Variants in S100G observed in about 807,000 individuals in gnomAD.
S100G encodes the protein protein S100-G.
S100G carries 4 observed loss-of-function variants against 4.4 expected under a neutral mutation model. That is an observed-to-expected ratio of 0.91 (90% CI 0.45 to 2.09). The LOEUF (loss-of-function observed/expected upper bound fraction) is 2.09, where lower values mean the gene tolerates loss of function less well. Among genes scored for constraint, S100G ranks in the 30% most tolerant of loss-of-function variants. The probability of loss-of-function intolerance (pLI) is 0.03; values close to 1 mark genes in which losing one functional copy is unlikely to be tolerated. For missense variants in S100G, 48 were observed against 49.8 expected (o/e 0.96, Z 0.11); for synonymous variants, 24 against 20.1 (o/e 1.20, Z -0.53).
At chrX:16,651,420 G>C (rs1932625628) in intron 2 of S100G, among the ~76,000 whole-genome samples, 1 of 111,787 alleles carries the variant, frequency 8.9e-6, no homozygotes, top group Non-Finnish European at 1.9e-5. Context: ...AGACCCACAA[G>C]TCACCAAGCA....
At chrX:16,650,895 A>G in intron 1 of S100G, 104 bp from the exon 2 acceptor site, 2 of 640,107 alleles carry the variant, frequency 3.1e-6, no homozygotes, top group Non-Finnish European at 4.9e-6. Flanking sequence ...TTCCCCATTT[A>G]TGCCAAGGAA....
At chrX:16,652,847 G>A (rs1932710232) in intron 2 of S100G, among the ~76,000 whole-genome samples, 1 of 111,554 alleles carries the variant, frequency 9.0e-6, no homozygotes, top group Non-Finnish European at 1.9e-5. Flanking sequence ...CACCATGCAT[G>A]GTTTAGAATC....
rs756804558 is a variant in S100G, at chrX:16,654,638, A to C, written c.*129A>C. On this transcript the variant is annotated 3_prime_UTR_variant, in exon 3 of 3. Transcript: ENST00000380200. ...TTATAATAACCTGGCTGTGAGGTTC[A>C]GTTATTATTAATAAAGAAATTATTA... is the stretch of plus-strand genomic sequence containing the variant. 8.1e-6 allele frequency: 3 copies of C among 370,043 alleles called. No homozygotes were observed. In the East Asian group the frequency reaches 1.3e-4, roughly 16 times the overall value. The allele number at this position is 370,043 out of a possible 1,213,427, so 30.5% of individuals were successfully genotyped here.
At chrX:16,650,432 A>G (rs1932548703) in intron 1 of S100G, among the ~76,000 whole-genome samples, 1 of 110,777 alleles carries the variant, frequency 9.0e-6, no homozygotes, top group African/African-American at 3.3e-5. Flanking sequence ...TTAATTACTA[A>G]TAAAAATGTT....
chrX:16,651,183 TGGGAGGGGA>T, intron 2 of S100G, 42 bp downstream of exon 2: 6 of 262,053 alleles, frequency 2.3e-5, no homozygotes, highest in African/African-American at 3.8e-5. Context: ...GGACTGATGG[TGGGAGGGGA>T]GGGAGGGAGG....
At chrX:16,650,599 G>A (rs1225410335) in intron 1 of S100G, among the ~76,000 whole-genome samples, 2 of 91,271 alleles carry the variant, frequency 2.2e-5, no homozygotes, top group South Asian at 6.1e-4. Context: ...TGCAACCTCC[G>A]CCTCCCGGGT....
In S100G at chrX:16,650,970, G is replaced by C. The variant is rs900995588; in HGVS notation, c.-8-29G>C. On this transcript the variant is annotated intron_variant, in intron 1 of 2. Coordinates refer to ENST00000380200, the MANE Select transcript of S100G (RefSeq NM_004057.3). The stretch of plus-strand genomic sequence containing the variant: ...CACAAAACTGTACTTCAGCTTTTTG[G>C]TAAGTTTATTTTCTTCCCAATTTAT... 5 of 1,177,995 alleles carry C rather than the reference G, an allele frequency of 4.2e-6. No homozygotes were observed. The African/African-American group carries it at 7.1e-5, about 17-fold the overall frequency.
In S100G at chrX:16,650,994, A is replaced by T. The variant is rs768067846; in HGVS notation, c.-8-5A>T. 2 of 1,198,664 alleles carry T rather than the reference A, an allele frequency of 1.7e-6. No homozygotes were observed. Among genetic ancestry groups the T allele is most frequent in the East Asian group, 5.9e-5 (2 of 33,672 alleles). On this transcript the variant is annotated splice_region_variant and splice_polypyrimidine_tract_variant and intron_variant, in intron 1 of 2. Coordinates refer to ENST00000380200, the MANE Select transcript of S100G (RefSeq NM_004057.3). ...GGTAAGTTTATTTTCTTCCCAATTT[A>T]TAAGACACCAGAATGAGTACTAAAA... is the stretch of plus-strand genomic sequence containing the variant.
At chrX:16,653,951 T>G (rs1046502410) in intron 2 of S100G, among the ~76,000 whole-genome samples, 1 of 110,808 alleles carries the variant, frequency 9.0e-6, no homozygotes, top group Non-Finnish European at 1.9e-5. Flanking sequence ...GAAGGAGCCC[T>G]CCCTGCCTGC....
intron 2 of S100G, among the ~76,000 whole-genome samples, chrX:16,652,280 C>T (rs929658834): frequency 1.2e-4 from 13 of 112,061 alleles, no homozygotes; most frequent in African/African-American, 4.2e-4. Flanking sequence ...GACTCAGTCA[C>T]TATTTAGCTC....
intron 2 of S100G, among the ~76,000 whole-genome samples, chrX:16,654,057 C>T (rs1186792082): frequency 8.9e-6 from 1 of 111,885 alleles, no homozygotes. Context: ...GTTTGTGTGC[C>T]GTGGGCAATC....
At chrX:16,651,417 C>T (rs1932625092) in intron 2 of S100G, among the ~76,000 whole-genome samples, 1 of 111,880 alleles carries the variant, frequency 8.9e-6, no homozygotes, top group African/African-American at 3.3e-5. Flanking sequence ...GGAAGACCCA[C>T]AAGTCACCAA....
At chrX:16,651,307 C>G (rs1217879780) in intron 2 of S100G, among the ~76,000 whole-genome samples, 166 bp downstream of exon 2, 1 of 111,219 alleles carries the variant, frequency 9.0e-6, no homozygotes, top group Non-Finnish European at 1.9e-5. Context: ...AAGGCAAGCT[C>G]TCAGAAAACA....
intron 2 of S100G, among the ~76,000 whole-genome samples, chrX:16,651,804 A>G (rs766740918): frequency 8.9e-6 from 1 of 111,985 alleles, no homozygotes; most frequent in Admixed American, 9.5e-5. Flanking sequence ...TACAGAGAAG[A>G]GCTGATCGTC....
At chrX:16,652,019 G>A (rs186486096) in intron 2 of S100G, among the ~76,000 whole-genome samples, 1 of 106,916 alleles carries the variant, frequency 9.4e-6, no homozygotes, top group East Asian at 2.9e-4. Context: ...AGAGCAGGAT[G>A]GGGGGGGCCA....
intron 1 of S100G, among the ~76,000 whole-genome samples, chrX:16,650,478 A>G (rs928046053): frequency 7.3e-5 from 8 of 109,299 alleles, no homozygotes; most frequent in African/African-American, 2.7e-4. Flanking sequence ...GATGTACTCT[A>G]AGAACAGACA....
At chrX:16,653,315 G>A (rs1194720659) in intron 2 of S100G, among the ~76,000 whole-genome samples, 4 of 111,509 alleles carry the variant, frequency 3.6e-5, no homozygotes, top group Admixed American at 9.6e-5. Context: ...GCCTGCACAC[G>A]ATCTCACACG....
At chrX:16,653,929 G>A (rs746501509) in intron 2 of S100G, among the ~76,000 whole-genome samples, 3 of 110,822 alleles carry the variant, frequency 2.7e-5, no homozygotes, top group Non-Finnish European at 3.8e-5. Flanking sequence ...TAGGGTGGTC[G>A]GAAGGATTAC....
In S100G at chrX:16,651,083, A is replaced by G; in HGVS notation, c.77A>G (p.Gln26Arg). The G allele has an allele frequency of 8.4e-7, 1 of 1,194,715 alleles. No individual in the cohort carries two copies. Among genetic ancestry groups the G allele is most frequent in the Non-Finnish European group, 1.1e-6 (1 of 884,213 alleles). The change falls in exon 2 of 3, where the codon CAG becomes CGG. Residue 26 changes from glutamine (Q) to arginine (R), a missense_variant. Transcript: ENST00000380200. ...GCAGCCAAAGAAGGTGATCCAGACC[A>G]GTTGTCAAAGGATGAACTGAAGCTA... is the stretch of plus-strand genomic sequence containing the variant. ...KYAAKEGDPD[Q>R]LSKDELKLLI...
Sources: allele counts gnomAD v4.1 joint callset (sites outside exome capture counted in the v4.1 genomes callset), GRCh38; gene constraint gnomAD v4.1.1; transcripts MANE v1.5; gene names NCBI Gene and HGNC (gene_info 2026-07-23, HGNC 2026-07-21).